Variants in STXBP5L observed in about 807,000 individuals in gnomAD.
STXBP5L encodes the protein syntaxin binding protein 5L, also known as syntaxin-binding protein 5-like.
In STXBP5L, 65 loss-of-function variants were observed where a neutral mutation model predicts 144.5. The observed-to-expected ratio is 0.45, with a 90% CI of 0.37 to 0.55. STXBP5L has a LOEUF of 0.55. STXBP5L is among the 20% of genes least tolerant of loss of function. The pLI is 0.00. For synonymous variants in STXBP5L, 505 were observed against 469.6 expected, an observed-to-expected ratio of 1.08 and a Z score of -0.97; for missense variants, 1,298 against 1,405.5, an observed-to-expected ratio of 0.92 and a Z score of 1.22.
At chr3:121,365,958 T>C (rs538112339) in intron 20 of STXBP5L, among the ~76,000 whole-genome samples, 4 of 152,058 alleles carry the variant, frequency 2.6e-5, no homozygotes, top group Non-Finnish European at 4.4e-5. Context: ...TTTGGTATGT[T>C]GTATTTTTGT....
intron 9 of STXBP5L, among the ~76,000 whole-genome samples, chr3:121,191,657 G>A (rs955545070): frequency 1.1e-4 from 17 of 152,064 alleles, no homozygotes; most frequent in African/African-American, 3.4e-4. Context: ...CTTCCTATCC[G>A]TGAGCATGGA....
chr3:121,189,109 T>C (rs1374488433), intron 9 of STXBP5L, among the ~76,000 whole-genome samples: 4 of 152,136 alleles, frequency 2.6e-5, no homozygotes, highest in Non-Finnish European at 4.4e-5. Context: ...TCATTGTAGA[T>C]TCTGGATATT....
chr3:121,344,468 G>C (rs1481463646), intron 20 of STXBP5L, among the ~76,000 whole-genome samples: 2 of 151,950 alleles, frequency 1.3e-5, no homozygotes, highest in Non-Finnish European at 2.9e-5. Context: ...AAAAAAATCT[G>C]CTACAGGATT....
At chr3:121,001,768 T>A (rs2108045964) in intron 3 of STXBP5L, among the ~76,000 whole-genome samples, 1 of 152,348 alleles carries the variant, frequency 6.6e-6, no homozygotes, top group Admixed American at 6.5e-5. Flanking sequence ...CTGCATTCTC[T>A]GTCCATTCAC....
chr3:121,035,089 G>GT (rs1454512718), intron 3 of STXBP5L, among the ~76,000 whole-genome samples: 3 of 152,032 alleles, frequency 2.0e-5, no homozygotes, highest in Admixed American at 2.0e-4. Flanking sequence ...TTGTTGAGTT[G>GT]TTTGAGTTCT....
At chr3:121,211,672 G>T (rs1479270533) in intron 10 of STXBP5L, among the ~76,000 whole-genome samples, 1 of 149,572 alleles carries the variant, frequency 6.7e-6, no homozygotes, top group Non-Finnish European at 1.5e-5. Flanking sequence ...TCTGCCTCCG[G>T]GGTTCAAGCG....
In STXBP5L at chr3:121,222,322, TA is replaced by T. The variant is rs1202585175; in HGVS notation, c.957-680del. ...CCCACTCTATTATCTAATTATATCT[TA>T]TAAAGCAACAGACCAAAAATCTTGT... On this transcript the variant is annotated intron_variant, in intron 10 of 26. Transcript: ENST00000471454. 9.9e-5 allele frequency among the ~76,000 whole-genome samples: 15 copies of T among 152,228 alleles called. 1 individual carries two copies. In the South Asian group the frequency reaches 3.1e-3, roughly 32 times the overall value.
intron 2 of STXBP5L, among the ~76,000 whole-genome samples, chr3:120,934,749 T>G (rs1033435094): frequency 6.6e-6 from 1 of 152,052 alleles, no homozygotes; most frequent in Admixed American, 6.6e-5. Context: ...GTAATGTCCA[T>G]CTTTATCCTT....
At chr3:121,388,027 T>C (rs1446768753) in intron 22 of STXBP5L, among the ~76,000 whole-genome samples, 1 of 152,226 alleles carries the variant, frequency 6.6e-6, no homozygotes, top group African/African-American at 2.4e-5. Context: ...ATTCTTCCTA[T>C]CCATGAGCAT....
At chr3:120,977,905 A>T (rs1369734396) in intron 3 of STXBP5L, among the ~76,000 whole-genome samples, 2 of 152,226 alleles carry the variant, frequency 1.3e-5, no homozygotes, top group East Asian at 1.9e-4. Context: ...ATTTTCTGCC[A>T]AGAGATCTGC....
intron 25 of STXBP5L, among the ~76,000 whole-genome samples, chr3:121,416,863 A>G (rs1215836573): frequency 6.6e-6 from 1 of 152,166 alleles, no homozygotes; most frequent in African/African-American, 2.4e-5. Context: ...GAGAGAAGGT[A>G]TGAATATATT....
intron 18 of STXBP5L, among the ~76,000 whole-genome samples, chr3:121,265,024 G>C (rs1176058436): frequency 2.0e-5 from 3 of 151,964 alleles, no homozygotes; most frequent in Admixed American, 6.6e-5. Flanking sequence ...CACAATAATA[G>C]GGAGACTTTT....
chr3:121,080,031 T>C (rs1209509839), intron 5 of STXBP5L, among the ~76,000 whole-genome samples: 2 of 152,246 alleles, frequency 1.3e-5, no homozygotes, highest in Non-Finnish European at 2.9e-5. Context: ...AAATTTAGAA[T>C]TGTAATATCT....
chr3:121,263,546 C>T (rs181927972), intron 18 of STXBP5L, among the ~76,000 whole-genome samples: 9 of 152,170 alleles, frequency 5.9e-5, no homozygotes, highest in Middle Eastern at 6.8e-3. Flanking sequence ...CATGTTCTAA[C>T]CCAATGCAGG....
At chr3:121,267,110 C>G (rs1290387510) in intron 18 of STXBP5L, among the ~76,000 whole-genome samples, 1 of 152,076 alleles carries the variant, frequency 6.6e-6, no homozygotes, top group Non-Finnish European at 1.5e-5. Flanking sequence ...TAAGATAATC[C>G]TAAGCAAAAA....
chr3:121,058,022 A>C (rs1948580159), intron 5 of STXBP5L, among the ~76,000 whole-genome samples: 1 of 152,146 alleles, frequency 6.6e-6, no homozygotes, highest in Non-Finnish European at 1.5e-5. Flanking sequence ...ACATGTGCAG[A>C]AAGTGCAGGT....
At chr3:121,085,161 T>C (rs1336461677) in intron 5 of STXBP5L, among the ~76,000 whole-genome samples, 1 of 152,198 alleles carries the variant, frequency 6.6e-6, no homozygotes, top group Non-Finnish European at 1.5e-5. Context: ...TCCCATTCTG[T>C]AGGTTTTCTG....
At chr3:121,044,700 T>C (rs1947389866) in intron 4 of STXBP5L, among the ~76,000 whole-genome samples, 1 of 152,102 alleles carries the variant, frequency 6.6e-6, no homozygotes, top group Non-Finnish European at 1.5e-5. Flanking sequence ...AAATAAATAG[T>C]TTAAGCATAT....
At chr3:121,208,233 G>T (rs1038101435) in intron 10 of STXBP5L, among the ~76,000 whole-genome samples, 1 of 149,332 alleles carries the variant, frequency 6.7e-6, no homozygotes, top group Non-Finnish European at 1.5e-5. Context: ...TATCCCAAGG[G>T]CAGAAAACCA....
Sources: gnomAD v4.1 joint callset for allele counts (sites outside exome capture counted in the v4.1 genomes callset) on GRCh38, gnomAD v4.1.1 for gene constraint, MANE v1.5 for transcripts, NCBI Gene and HGNC (gene_info 2026-07-23, HGNC 2026-07-21) for gene names.